SAMD12: variants seen among roughly 807,000 people sequenced by gnomAD.
SAMD12 encodes the protein sterile alpha motif domain containing 12, also known as sterile alpha motif domain-containing protein 12.
A neutral mutation model predicts 15.0 loss-of-function variants in SAMD12; 9 were observed. The ratio of observed to expected loss-of-function variants is 0.60; its 90% CI spans 0.36 to 1.05. The LOEUF is 1.05. SAMD12 is among the 50% of genes least tolerant of loss of function. SAMD12 has a pLI of 0.01. For missense variants in SAMD12, 230 were observed against 234.2 expected, an observed-to-expected ratio of 0.98 and a Z score of 0.12; for synonymous variants, 86 against 90.1, an observed-to-expected ratio of 0.96 and a Z score of 0.25.
chr8:118,584,221 T>C (rs1032487743), intron 1 of SAMD12, among the ~76,000 whole-genome samples: 2 of 152,218 alleles, frequency 1.3e-5, no homozygotes, highest in Non-Finnish European at 2.9e-5. Flanking sequence ...TTTAGGTTTT[T>C]GTACTTAGAA....
the SAMD12 span, among the ~76,000 whole-genome samples, chr8:118,148,731 C>T: frequency 6.6e-6 from 1 of 152,186 alleles, no homozygotes; most frequent in African/African-American, 2.4e-5. Context: ...AATATACTTT[C>T]TTTCTAACAG....
At chr8:118,143,014 C>T in the SAMD12 span, among the ~76,000 whole-genome samples, 1 of 152,188 alleles carries the variant, frequency 6.6e-6, no homozygotes, top group Admixed American at 6.5e-5. Context: ...TGGTAAACCT[C>T]TTCTGGTTGA....
At chr8:118,529,020 G>T (rs1052885714) in intron 2 of SAMD12, among the ~76,000 whole-genome samples, 14 of 152,192 alleles carry the variant, frequency 9.2e-5, no homozygotes, top group African/African-American at 3.4e-4. Flanking sequence ...GCTTGCAAGG[G>T]TGCCACTTCC....
intron 4 of SAMD12, among the ~76,000 whole-genome samples, chr8:118,343,686 T>C (rs1193372406): frequency 6.6e-6 from 1 of 152,098 alleles, no homozygotes; most frequent in Non-Finnish European, 1.5e-5. Context: ...ATTAGAACAA[T>C]AGAGTTGCAA....
chr8:118,334,683 C>T (rs1816971204), intron 4 of SAMD12, among the ~76,000 whole-genome samples: 1 of 152,100 alleles, frequency 6.6e-6, no homozygotes, highest in African/African-American at 2.4e-5. Context: ...GAAGCCTCAA[C>T]CTCCCAGGCT....
At chr8:118,549,936 A>T (rs1826270440) in intron 2 of SAMD12, among the ~76,000 whole-genome samples, 1 of 152,038 alleles carries the variant, frequency 6.6e-6, no homozygotes. Flanking sequence ...CAGCAATGGA[A>T]GATGAAATGA....
intron 2 of SAMD12, among the ~76,000 whole-genome samples, chr8:118,473,775 T>C (rs60628700): frequency 0.031 from 4,644 of 152,228 alleles, 202 homozygotes; most frequent in African/African-American, 0.092. Flanking sequence ...ATAAGCTGCT[T>C]ATTCTATGAG....
At chr8:118,239,292 G>C (rs1310972210) in intron 4 of SAMD12, among the ~76,000 whole-genome samples, 1 of 152,094 alleles carries the variant, frequency 6.6e-6, no homozygotes, top group Non-Finnish European at 1.5e-5. Context: ...GAATATAGTA[G>C]TAAATAGGAC....
intron 2 of SAMD12, among the ~76,000 whole-genome samples, chr8:118,447,511 G>T (rs1028055903): frequency 6.6e-6 from 1 of 151,654 alleles, no homozygotes; most frequent in African/African-American, 2.4e-5. Flanking sequence ...CACCATGTTG[G>T]CCAGGTTGGT....
At chr8:118,280,389 T>C (rs1813590317) in intron 4 of SAMD12, among the ~76,000 whole-genome samples, 1 of 152,182 alleles carries the variant, frequency 6.6e-6, no homozygotes, top group South Asian at 2.1e-4. Context: ...CCTTGACCAC[T>C]CTGTGCTACA....
intron 2 of SAMD12, among the ~76,000 whole-genome samples, chr8:118,503,657 C>T (rs982314219): frequency 6.6e-6 from 1 of 152,138 alleles, no homozygotes; most frequent in African/African-American, 2.4e-5. Flanking sequence ...AGAAACCAAG[C>T]GCCACCTGGA....
chr8:118,197,821 C>A, intron 4 of SAMD12: 3 of 1,113,562 alleles, frequency 2.7e-6, no homozygotes, highest in Non-Finnish European at 2.8e-6. Context: ...TTCAAACAAA[C>A]CCTAACACCC....
At chr8:118,415,675 TAGG>T (rs1821652219) in intron 3 of SAMD12, among the ~76,000 whole-genome samples, 2 of 152,180 alleles carry the variant, frequency 1.3e-5, no homozygotes, top group South Asian at 4.1e-4. Context: ...TTGAAAGAAT[TAGG>T]AGATTTCCTT....
chr8:118,204,069 C>A (rs965879774), intron 4 of SAMD12, among the ~76,000 whole-genome samples: 2 of 152,140 alleles, frequency 1.3e-5, no homozygotes, highest in Non-Finnish European at 2.9e-5. Context: ...TTCTTCTCAT[C>A]ATTTGCTCAT....
chr8:118,474,667 G>A (rs2130973682), intron 2 of SAMD12, among the ~76,000 whole-genome samples: 1 of 151,168 alleles, frequency 6.6e-6, no homozygotes, highest in Non-Finnish European at 1.5e-5. Context: ...GATTACAGGT[G>A]TGAGCCACCA....
intron 4 of SAMD12, among the ~76,000 whole-genome samples, chr8:118,238,043 G>A (rs1166772337): frequency 1.3e-5 from 2 of 152,050 alleles, no homozygotes; most frequent in African/African-American, 4.8e-5. Context: ...CAAACAAAAA[G>A]AACTTCAGAA....
At chr8:118,159,072 A>G in the SAMD12 span, among the ~76,000 whole-genome samples, 1 of 151,520 alleles carries the variant, frequency 6.6e-6, no homozygotes, top group African/African-American at 2.4e-5. Context: ...CCTTTTCCCC[A>G]TCCCCACTCC....
chr8:118,616,980 C>T (rs1385993417), intron 1 of SAMD12, among the ~76,000 whole-genome samples: 1 of 152,142 alleles, frequency 6.6e-6, no homozygotes, highest in Non-Finnish European at 1.5e-5. Flanking sequence ...AAAACCATCC[C>T]CCATGGAAAA....
chr8:118,307,828 T>C (rs974309822), intron 4 of SAMD12, among the ~76,000 whole-genome samples: 20 of 152,268 alleles, frequency 1.3e-4, no homozygotes, highest in Admixed American at 1.2e-3. Context: ...CTCTGGCTTT[T>C]GTTTGGGTTG....
Sources: allele counts gnomAD v4.1 joint callset (sites outside exome capture counted in the v4.1 genomes callset), GRCh38; gene constraint gnomAD v4.1.1; transcripts MANE v1.5; gene names NCBI Gene and HGNC (gene_info 2026-07-23, HGNC 2026-07-21).